VWA8: variants seen among roughly 807,000 people sequenced by gnomAD.
VWA8 encodes the protein von Willebrand factor A domain-containing protein 8.
Under a neutral mutation model 241.5 loss-of-function variants are expected in VWA8, and 221 were observed. The ratio of observed to expected loss-of-function variants is 0.91; its 90% CI spans 0.82 to 1.02. The LOEUF (loss-of-function observed/expected upper bound fraction) is 1.02, where lower values mean the gene tolerates loss of function less well. Ranked by LOEUF, VWA8 falls within the 50% of genes least tolerant of loss-of-function variation. The probability of loss-of-function intolerance (pLI) is 0.00; values close to 1 mark genes in which losing one functional copy is unlikely to be tolerated. For missense variants in VWA8, 2,322 were observed against 2,328.7 expected, an observed-to-expected ratio of 1.00 and a Z score of 0.06; for synonymous variants, 852 against 827.1, an observed-to-expected ratio of 1.03 and a Z score of -0.52.
chr13:41,910,966 G>C (rs1014633629), intron 3 of VWA8, among the ~76,000 whole-genome samples: 1 of 151,898 alleles, frequency 6.6e-6, no homozygotes. Flanking sequence ...AATGTCTTCA[G>C]AACACAGCTT....
intron 2 of VWA8, among the ~76,000 whole-genome samples, chr13:41,949,531 C>T (rs1468435303): frequency 6.6e-6 from 1 of 151,634 alleles, no homozygotes. Context: ...TGTAGATGAC[C>T]GGTTGATGGG....
rs986583162 is a variant in VWA8 at position 41,801,641 on chromosome 13, C to T, written c.2063+9584G>A. 2.6e-5 allele frequency among the ~76,000 whole-genome samples: 4 copies of T among 152,268 alleles called. No individual in the cohort carries two copies. In the East Asian group the frequency reaches 7.7e-4, roughly 29 times the overall value. On this transcript the variant is annotated intron_variant, in intron 17 of 44. Transcript: ENST00000379310. ...AATTTAATTCTGTAAGAAAATTCTA[C>T]AAGCCAATGTTTTATAATCACTAAC...
At chr13:41,823,987 A>G (rs1871073424) in intron 14 of VWA8, among the ~76,000 whole-genome samples, 1 of 152,222 alleles carries the variant, frequency 6.6e-6, no homozygotes. Flanking sequence ...CCTAATTACT[A>G]GGTTCACATA....
intron 2 of VWA8, chr13:41,927,179 G>A: frequency 2.2e-6 from 1 of 448,174 alleles, no homozygotes; most frequent in Non-Finnish European, 4.5e-6. Flanking sequence ...GAAAACTTCT[G>A]TACTGCCCTG....
At chr13:41,575,066 G>A (rs930926697) in intron 43 of VWA8, among the ~76,000 whole-genome samples, 4 of 152,122 alleles carry the variant, frequency 2.6e-5, no homozygotes, top group South Asian at 2.1e-4. Flanking sequence ...ATACACCATG[G>A]AATACTACTC....
At chr13:41,720,800 A>T (rs2137848293) in intron 25 of VWA8, among the ~76,000 whole-genome samples, 1 of 152,180 alleles carries the variant, frequency 6.6e-6, no homozygotes, top group East Asian at 1.9e-4. Context: ...GTTAGCTTGG[A>T]GACCCTTATT....
intron 29 of VWA8, among the ~76,000 whole-genome samples, chr13:41,694,169 TTTAG>T (rs1566417901): frequency 1.3e-5 from 2 of 151,992 alleles, no homozygotes; most frequent in African/African-American, 2.4e-5. Flanking sequence ...TGTCATATAA[TTTAG>T]TTAGAGAAAT....
intron 37 of VWA8, among the ~76,000 whole-genome samples, chr13:41,617,555 T>C (rs904148309): frequency 6.6e-6 from 1 of 152,198 alleles, no homozygotes; most frequent in African/African-American, 2.4e-5. Context: ...TTGTTACATA[T>C]AGTATACACA....
chr13:41,833,331 G>T, intron 13 of VWA8, 40 bp downstream of exon 13: 1 of 1,561,712 alleles, frequency 6.4e-7, no homozygotes, highest in South Asian at 1.2e-5. Context: ...AGTCAGAGTG[G>T]GGTGTGTGTC....
In VWA8 at chr13:41,747,078, C is replaced by T. The variant is rs556394154; in HGVS notation, c.2426+14050G>A. Reference sequence around the variant, plus strand: ...TTGGCTTAGGATTGACTTGGCAATGCGGGCTCTTTTTTGGTTCCATATGAA... The same window carrying T: ...TTGGCTTAGGATTGACTTGGCAATGTGGGCTCTTTTTTGGTTCCATATGAA... On this transcript the variant is annotated intron_variant, in intron 21 of 44. Transcript: ENST00000379310. 3.5e-4 allele frequency among the ~76,000 whole-genome samples: 54 copies of T among 152,222 alleles called. 1 individual carries two copies. The South Asian group carries it at 0.011, about 30-fold the overall frequency.
chr13:41,898,404 C>A (rs1388142346), intron 4 of VWA8, among the ~76,000 whole-genome samples: 7 of 152,204 alleles, frequency 4.6e-5, no homozygotes, highest in African/African-American at 9.7e-5. Flanking sequence ...TCGATTGGTG[C>A]ACTCACAAAC....
At chr13:41,908,585 A>G (rs1875837887) in intron 3 of VWA8, among the ~76,000 whole-genome samples, 1 of 152,078 alleles carries the variant, frequency 6.6e-6, no homozygotes, top group Non-Finnish European at 1.5e-5. Context: ...GGAGGTGATG[A>G]AAAAGGAGGA....
In VWA8 at chr13:41,930,033, A is replaced by C. The variant is rs1877030941; in HGVS notation, c.242-17865T>G. Among the ~76,000 whole-genome samples the C allele has an allele frequency of 2.0e-5, 3 of 152,356 alleles. No homozygotes were observed. In the South Asian group the frequency reaches 6.2e-4, roughly 32 times the overall value. On this transcript the variant is annotated intron_variant, in intron 2 of 44. Transcript: ENST00000379310. ...AATTTATAAAGAATTCATATAATTC[A>C]ATAGTAGAAAAACAACCCAATTTAA...
intron 12 of VWA8, among the ~76,000 whole-genome samples, chr13:41,861,550 A>G (rs1040200353): frequency 6.6e-6 from 1 of 152,146 alleles, no homozygotes; most frequent in East Asian, 1.9e-4. Context: ...AAAAAACCCT[A>G]TAGACTCCAC....
At chr13:41,839,532 C>A (rs1002567523) in intron 12 of VWA8, among the ~76,000 whole-genome samples, 1 of 151,990 alleles carries the variant, frequency 6.6e-6, no homozygotes, top group Non-Finnish European at 1.5e-5. Flanking sequence ...TGTTGCCATT[C>A]CTTTTGGTGT....
At chr13:41,761,416 G>C (rs2045739157) in intron 20 of VWA8, among the ~76,000 whole-genome samples, 2 of 151,944 alleles carry the variant, frequency 1.3e-5, no homozygotes, top group Admixed American at 1.3e-4. Flanking sequence ...CTAGTTCTAA[G>C]CCATTCTTAT....
At chr13:41,572,165 G>A (rs904182794) in intron 43 of VWA8, among the ~76,000 whole-genome samples, 4 of 151,630 alleles carry the variant, frequency 2.6e-5, no homozygotes, top group East Asian at 2.0e-4. Context: ...CGCCCCGTCC[G>A]GGAGGGAGGT....
intron 36 of VWA8, among the ~76,000 whole-genome samples, chr13:41,673,131 C>G (rs1208045135): frequency 1.3e-5 from 2 of 152,122 alleles, no homozygotes; most frequent in African/African-American, 4.8e-5. Flanking sequence ...TTTAAATGAA[C>G]ACATAGAATT....
Position 41,693,577 on chromosome 13 carries a change from C to A in VWA8, c.3565-605G>T, listed in dbSNP as rs117644803. On this transcript the variant is annotated intron_variant, in intron 29 of 44. Coordinates refer to ENST00000379310, the MANE Select transcript of VWA8 (RefSeq NM_015058.2). ...TAGAAATTCACCAAGCTTGAAGAAC[C>A]TTCATAACTGGTGCTGTAATAAAGT... 6.6e-3 allele frequency among the ~76,000 whole-genome samples: 1,000 copies of A among 152,108 alleles called. 8 individuals carry two copies. The highest frequency in any genetic ancestry group is 0.01 in the Admixed American group (160 of 15,276).
Sources: allele counts gnomAD v4.1 joint callset (sites outside exome capture counted in the v4.1 genomes callset), GRCh38; gene constraint gnomAD v4.1.1; transcripts MANE v1.5; gene names NCBI Gene and HGNC (gene_info 2026-07-23, HGNC 2026-07-21).